The following RPTOR variants were observed in gnomAD, a reference collection of about 807,000 sequenced individuals.
RPTOR encodes the protein regulatory associated protein of MTOR complex 1, also known as regulatory-associated protein of mTOR.
A neutral mutation model predicts 169.9 loss-of-function variants in RPTOR; 21 were observed. That is an observed-to-expected ratio of 0.12 (90% confidence interval 0.09 to 0.18). RPTOR has a LOEUF of 0.18. Ranked by LOEUF, RPTOR falls within the 10% of genes least tolerant of loss-of-function variation. The probability of loss-of-function intolerance (pLI) is 1.00; values close to 1 mark genes in which losing one functional copy is unlikely to be tolerated. For synonymous variants in RPTOR, 732 were observed against 753.2 expected (o/e 0.97, Z 0.46); for missense variants, 1,133 against 1,855.9 (o/e 0.61, Z 7.16).
At chr17:80,724,975 GC>G (rs2066319057) in intron 4 of RPTOR, among the ~76,000 whole-genome samples, 1 of 152,210 alleles carries the variant, frequency 6.6e-6, no homozygotes, top group African/African-American at 2.4e-5. Context: ...CCTGGGACAT[GC>G]CGTTCTCTTC....
At chr17:80,884,748 G>C (rs1027027219) in intron 16 of RPTOR, among the ~76,000 whole-genome samples, 1 of 152,206 alleles carries the variant, frequency 6.6e-6, no homozygotes, top group Non-Finnish European at 1.5e-5. Context: ...CTGGTGCCTG[G>C]TTTGGTGTTT....
chr17:80,616,804 G>A (rs1314442079), intron 1 of RPTOR, among the ~76,000 whole-genome samples: 1 of 151,962 alleles, frequency 6.6e-6, no homozygotes, highest in African/African-American at 2.4e-5. Flanking sequence ...CTTACTTTAC[G>A]AAGACCAATT....
At chr17:80,887,475 A>G (rs1427735425) in intron 17 of RPTOR, among the ~76,000 whole-genome samples, 2 of 152,086 alleles carry the variant, frequency 1.3e-5, no homozygotes, top group Non-Finnish European at 2.9e-5. Context: ...ACTAACCACC[A>G]TGGGCAGGCA....
intron 6 of RPTOR, among the ~76,000 whole-genome samples, chr17:80,787,388 C>T (rs1444840055): frequency 1.3e-5 from 2 of 152,220 alleles, no homozygotes; most frequent in African/African-American, 4.8e-5. Flanking sequence ...TTAATGGACA[C>T]TTGAGCTTTT....
At chr17:80,753,397 G>A (rs943397059) in intron 5 of RPTOR, among the ~76,000 whole-genome samples, 1 of 152,100 alleles carries the variant, frequency 6.6e-6, no homozygotes, top group African/African-American at 2.4e-5. Flanking sequence ...CACTTTGGGA[G>A]GCCGAGACGG....
rs1274272846 is a variant in RPTOR, at chr17:80,633,852, T to A, written c.265+8059T>A. Among the ~76,000 whole-genome samples, 1 of 152,210 alleles carries A rather than the reference T, an allele frequency of 6.6e-6. No individual in the cohort carries two copies. Among genetic ancestry groups the A allele is most frequent in the Non-Finnish European group, 1.5e-5 (1 of 68,032 alleles). The stretch of plus-strand genomic sequence containing the variant: ...CTCCCTCTGGTTGTTGGGAACCCAT[T>A]GGGCCGGCTTCTTTGGCTTCTGTCT... On this transcript the variant is annotated intron_variant, in intron 2 of 33. Coordinates refer to ENST00000306801, the MANE Select transcript of RPTOR (RefSeq NM_020761.3). The surrounding 1 kb of genome is among the most constrained non-coding windows in gnomAD (Gnocchi z 4.1).
At chr17:80,657,444 T>C (rs914110154) in intron 3 of RPTOR, among the ~76,000 whole-genome samples, 1 of 152,246 alleles carries the variant, frequency 6.6e-6, no homozygotes, top group Admixed American at 6.5e-5. Context: ...TGGCTTTTGA[T>C]AGCCAAAGTA....
intron 24 of RPTOR, among the ~76,000 whole-genome samples, chr17:80,938,259 C>A (rs1598411807): frequency 6.6e-6 from 1 of 152,336 alleles, no homozygotes; most frequent in East Asian, 1.9e-4. Context: ...TGAAGCCGCC[C>A]CATTTCTACC....
chr17:80,893,396 G>GTA (rs1491290808), intron 19 of RPTOR, among the ~76,000 whole-genome samples: 30 of 78,356 alleles, frequency 3.8e-4, no homozygotes, highest in African/African-American at 2.2e-3. Context: ...GCATGCCAGG[G>GTA]TGTGTGTGTG....
intron 3 of RPTOR, among the ~76,000 whole-genome samples, chr17:80,680,480 A>G (rs2065890366): frequency 1.3e-5 from 2 of 152,268 alleles, no homozygotes; most frequent in Non-Finnish European, 2.9e-5. Context: ...CTAAAAATAC[A>G]AAATTAGCTG....
At chr17:80,608,704 G>A (rs762864770) in intron 1 of RPTOR, among the ~76,000 whole-genome samples, 1 of 152,122 alleles carries the variant, frequency 6.6e-6, no homozygotes, top group Admixed American at 6.5e-5. Context: ...CAGCATGTTC[G>A]GGGCACTTTC....
At chr17:80,597,769 C>T (rs1326395606) in intron 1 of RPTOR, among the ~76,000 whole-genome samples, 1 of 152,052 alleles carries the variant, frequency 6.6e-6, no homozygotes, top group Non-Finnish European at 1.5e-5. Context: ...CTGCCTTGGC[C>T]TCCCAGAGTG....
At chr17:80,667,501 G>A (rs1009197677) in intron 3 of RPTOR, among the ~76,000 whole-genome samples, 37 of 152,280 alleles carry the variant, frequency 2.4e-4, no homozygotes, top group African/African-American at 6.5e-4. Flanking sequence ...TCCCACTTTC[G>A]AAGTTTCTTT....
Position 80,960,192 on chromosome 17 carries a change from G to C in RPTOR, c.3592G>C (p.Ala1198Pro). The C allele has an allele frequency of 6.2e-7, 1 of 1,613,518 alleles. No individual in the cohort carries two copies. The highest frequency in any genetic ancestry group is 8.5e-7 in the Non-Finnish European group (1 of 1,179,998). Residue 1198 changes from alanine to proline, a missense_variant, in exon 30 of 34, where the codon GCA becomes CCA. By Grantham distance (27) the Ala-to-Pro change is conservative. Around this residue, in one of 9 missense-constraint regions of RPTOR, gnomAD observed 410 missense variants for 623.7 expected, o/e 0.66. Transcript: ENST00000306801. This position sits in a 1 kb window ranked among gnomAD's most constrained non-coding sequence, Gnocchi z 4.8. ...GSIRVYDRRM[A>P]LSECRVMTYR... ...CATCCGCGTCTACGACAGAAGGATG[G>C]CACTCAGCGAATGGTACCTTGACCC...
chr17:80,716,605 G>A (rs2066241644), intron 4 of RPTOR, among the ~76,000 whole-genome samples: 1 of 152,038 alleles, frequency 6.6e-6, no homozygotes, highest in African/African-American at 2.4e-5. Flanking sequence ...TGTTTTTATT[G>A]CATTTGCTTT....
intron 1 of RPTOR, among the ~76,000 whole-genome samples, chr17:80,566,630 C>G (rs55722548): frequency 6.6e-6 from 1 of 151,540 alleles, no homozygotes; most frequent in South Asian, 2.1e-4. Context: ...ATCATCCTGG[C>G]TAATACGGTG....
chr17:80,787,110 C>T (rs2067000909), intron 6 of RPTOR, among the ~76,000 whole-genome samples: 1 of 152,252 alleles, frequency 6.6e-6, no homozygotes, highest in Admixed American at 6.5e-5. Flanking sequence ...CCGGGCTCAT[C>T]ATCCCTTCCA....
intron 7 of RPTOR, among the ~76,000 whole-genome samples, chr17:80,818,438 C>G (rs1039710627): frequency 6.6e-6 from 1 of 152,156 alleles, no homozygotes. Context: ...GTGGTCCCCT[C>G]GTGATCTCAG....
chr17:80,594,371 C>T (rs1476193122), intron 1 of RPTOR, among the ~76,000 whole-genome samples: 2 of 152,108 alleles, frequency 1.3e-5, no homozygotes, highest in African/African-American at 4.8e-5. Flanking sequence ...GGATTACAGG[C>T]GTGAGCCACC....
Sources: gnomAD v4.1 joint callset for allele counts (sites outside exome capture counted in the v4.1 genomes callset) on GRCh38, gnomAD v4.1.1 for gene constraint, gnomAD v4.1.1 regional missense constraint, Gnocchi (gnomAD v3.1) non-coding constraint, MANE v1.5 for transcripts, NCBI Gene and HGNC (gene_info 2026-07-23, HGNC 2026-07-21) for gene names.